Variants in USP37 observed in about 807,000 individuals in gnomAD.
USP37 encodes ubiquitin specific peptidase 37.
USP37 carries 27 observed loss-of-function variants against 124.0 expected under a neutral mutation model. The observed-to-expected ratio is 0.22, with a 90% CI of 0.16 to 0.30. The LOEUF (loss-of-function observed/expected upper bound fraction) is 0.30, where lower values mean the gene tolerates loss of function less well. Ranked by LOEUF, USP37 falls within the 10% of genes least tolerant of loss-of-function variation. The pLI, the probability that USP37 is intolerant of heterozygous loss-of-function variation, is 1.00. For synonymous variants in USP37, 365 were observed against 388.0 expected, an observed-to-expected ratio of 0.94 and a Z score of 0.70; for missense variants, 889 against 1,140.4, an observed-to-expected ratio of 0.78 and a Z score of 3.17.
At position 218,470,258 on chromosome 2, in the gene USP37, G is replaced by A. The variant is rs79400169; in HGVS notation, c.2300-4082C>T. On this transcript the variant is annotated intron_variant, in intron 20 of 25. Transcript: ENST00000258399. ...TTTCTTTTAAAAGACAGATATCTGA[G>A]GATCATATGTGACTTCTCCCTCTCA... 8.4e-3 allele frequency among the ~76,000 whole-genome samples: 1,278 copies of A among 152,158 alleles called. 10 individuals are homozygous for A. Among genetic ancestry groups the A allele is most frequent in the Middle Eastern group, 0.017 (5 of 294 alleles).
At chr2:218,489,967 G>A (rs1346369513) in intron 14 of USP37, among the ~76,000 whole-genome samples, 1 of 152,134 alleles carries the variant, frequency 6.6e-6, no homozygotes, top group Non-Finnish European at 1.5e-5. Context: ...GCTTTAATCT[G>A]TATGAATATT....
intron 10 of USP37, among the ~76,000 whole-genome samples, chr2:218,519,215 A>C (rs1299881674): frequency 1.3e-5 from 2 of 152,212 alleles, no homozygotes; most frequent in Non-Finnish European, 2.9e-5. Context: ...TTATAGAAAT[A>C]TGTTGAGGTG....
rs1340480090 is a variant in USP37 at position 218,476,876 on chromosome 2, C to T, written c.2007G>A (p.Met669Ile). The T allele has an allele frequency of 6.2e-7, 1 of 1,607,396 alleles. No homozygotes were observed. ...SVALSQRLCE[M>I]LGNEQQQEDL... ...CTTCCTGCTGCTGTTCGTTGCCTAA[C>T]ATTTCACAAAGTCTCTGGCTGAGGG... Residue 669 changes from methionine (M) to isoleucine (I), a missense_variant, in exon 19 of 26, where the codon ATG becomes ATA. Coordinates refer to ENST00000258399, the MANE Select transcript of USP37 (RefSeq NM_020935.3).
chr2:218,462,135 C>T (rs1299379193), intron 22 of USP37, among the ~76,000 whole-genome samples: 1 of 149,968 alleles, frequency 6.7e-6, no homozygotes, highest in African/African-American at 2.5e-5. Flanking sequence ...CCAGCCTCGG[C>T]AACAAGAGTG....
At chr2:218,479,476 T>C (rs1191945987) in intron 18 of USP37, among the ~76,000 whole-genome samples, 174 bp downstream of exon 18, 1 of 152,228 alleles carries the variant, frequency 6.6e-6, no homozygotes, top group Non-Finnish European at 1.5e-5. Context: ...AAATTTGTTA[T>C]ATCCTTCAAT....
intron 5 of USP37, among the ~76,000 whole-genome samples, chr2:218,552,081 C>T (rs1030633761): frequency 4.6e-5 from 7 of 152,062 alleles, no homozygotes; most frequent in South Asian, 2.1e-4. Flanking sequence ...TGTGAGCAAC[C>T]GTGCCTGGCC....
At chr2:218,495,569 T>A (rs1346384914) in intron 14 of USP37, among the ~76,000 whole-genome samples, 191 bp downstream of exon 14, 3 of 152,208 alleles carry the variant, frequency 2.0e-5, no homozygotes, top group Non-Finnish European at 2.9e-5. Flanking sequence ...GGTAGGAGGA[T>A]CACTTGATCC....
chr2:218,485,248 AT>A (rs140477007), intron 16 of USP37, among the ~76,000 whole-genome samples: 1,880 of 152,202 alleles, frequency 0.012, 45 homozygotes, highest in African/African-American at 0.043. Context: ...CTCTGTTGCC[AT>A]TTTCTTGGAA....
Position 218,553,681 on chromosome 2 carries a change from G to A in USP37, c.200C>T (p.Ala67Val), listed in dbSNP as rs774602555. ...AGTTAACATTAGGCGGCTTTGTTTC[G>A]CTCCACTGGGTCGAAGCACCACATT... Reference protein sequence around the residue: ...IKNVVLRPSGAKQSRLMLTLQ... With the variant: ...IKNVVLRPSGVKQSRLMLTLQ... Residue 67 changes from alanine to valine, a missense_variant, in exon 5 of 26, where the codon GCG becomes GTG. Around this residue, in one of 3 missense-constraint regions of USP37, gnomAD observed 374 missense variants for 386.0 expected, o/e 0.97. Coordinates refer to ENST00000258399, the MANE Select transcript of USP37 (RefSeq NM_020935.3). The A allele has an allele frequency of 6.8e-5, 109 of 1,613,064 alleles. No homozygotes were observed. The highest frequency in any genetic ancestry group is 7.5e-5 in the Non-Finnish European group (89 of 1,179,478).
At chr2:218,498,206 G>GA (rs747943529) in intron 11 of USP37, 49 bp from the exon 12 acceptor site, 1 of 1,522,346 alleles carries the variant, frequency 6.6e-7, no homozygotes, top group East Asian at 2.3e-5. Context: ...AATTCCTAAA[G>GA]TATGTTCAGT....
rs1689485000 is a variant in USP37, at chr2:218,451,723, G to T, written c.*3207C>A. 1 of 152,426 alleles carries T rather than the reference G, an allele frequency of 6.6e-6. No homozygotes were observed. Among genetic ancestry groups the T allele is most frequent in the Non-Finnish European group, 1.5e-5 (1 of 68,026 alleles). The allele number at this position is 152,426 out of a possible 1,614,324, so 9.4% of individuals were successfully genotyped here. A position where few individuals can be genotyped will look rare whatever the true frequency, so the allele number is the denominator to read the frequency against. ...TACTTGATCAAGGAGAAAAATAAATGTGTAGTCTAACATTTGCTTTCTGGA... is the reference window on the plus strand; with the variant it reads ...TACTTGATCAAGGAGAAAAATAAATTTGTAGTCTAACATTTGCTTTCTGGA... On this transcript the variant is annotated 3_prime_UTR_variant, in exon 26 of 26. Coordinates refer to ENST00000258399, the MANE Select transcript of USP37 (RefSeq NM_020935.3).
At chr2:218,567,447 G>A (rs191521699) in intron 1 of USP37, among the ~76,000 whole-genome samples, 5 of 152,050 alleles carry the variant, frequency 3.3e-5, no homozygotes, top group Admixed American at 1.3e-4. Context: ...TACACACACC[G>A]CGCACATTTA....
chr2:218,476,778 T>A, intron 19 of USP37, 62 bp downstream of exon 19: 1 of 1,496,962 alleles, frequency 6.7e-7, no homozygotes, highest in Admixed American at 2.4e-5. Context: ...ATGAAAGACA[T>A]TTGTTTGGAC....
intron 20 of USP37, among the ~76,000 whole-genome samples, chr2:218,472,015 G>C (rs1228333664): frequency 1.4e-5 from 2 of 146,096 alleles, no homozygotes; most frequent in African/African-American, 5.1e-5. Flanking sequence ...GGGTGACAGA[G>C]AGAGACTTGG....
intron 10 of USP37, among the ~76,000 whole-genome samples, chr2:218,513,109 T>C (rs755750287): frequency 1.3e-5 from 2 of 152,040 alleles, no homozygotes; most frequent in African/African-American, 2.4e-5. Flanking sequence ...CATATATATA[T>C]ATATATTAAC....
Position 218,547,053 on chromosome 2 carries a change from A to G in USP37, c.468T>C (p.Asp156=). 1 of 1,608,752 alleles carries G rather than the reference A, an allele frequency of 6.2e-7. No individual in the cohort carries two copies. The highest frequency in any genetic ancestry group is 8.5e-7 in the Non-Finnish European group (1 of 1,178,906). ...TACCAAGAACTTTTCGAAATGGAAT[A>G]TCATCTTTAGTTTCCAAACTTCCTC... ...AKRGSLETKD[D]IPFRKVLGNP... is the part of the protein sequence containing the mutation. Residue 156 remains aspartate (D), a synonymous_variant, in exon 7 of 26, where the codon GAT becomes GAC. Transcript: ENST00000258399.
At chr2:218,544,394 A>G (rs1188374570) in intron 8 of USP37, among the ~76,000 whole-genome samples, 1 of 59,846 alleles carries the variant, frequency 1.7e-5, no homozygotes, top group Non-Finnish European at 2.8e-5. Flanking sequence ...CACAAAAAAA[A>G]AAAAAAAAAA....
At chr2:218,500,567 C>T (rs1434121656) in intron 11 of USP37, among the ~76,000 whole-genome samples, 1 of 151,930 alleles carries the variant, frequency 6.6e-6, no homozygotes, top group African/African-American at 2.4e-5. Flanking sequence ...ATAGAGACGG[C>T]GTTTCCCCAT....
chr2:218,516,126 TG>T (rs1690264915), intron 10 of USP37, among the ~76,000 whole-genome samples: 1 of 152,228 alleles, frequency 6.6e-6, no homozygotes, highest in Non-Finnish European at 1.5e-5. Context: ...GAAGACAGCA[TG>T]GCGATTCCTC....
Sources: allele counts gnomAD v4.1 joint callset (sites outside exome capture counted in the v4.1 genomes callset), GRCh38; gene constraint gnomAD v4.1.1; regional missense constraint gnomAD v4.1.1; transcripts MANE v1.5; gene names NCBI Gene and HGNC (gene_info 2026-07-23, HGNC 2026-07-21).